IL1RAPL2: variants seen among roughly 807,000 people sequenced by gnomAD.
IL1RAPL2 encodes interleukin 1 receptor accessory protein like 2, also known as X-linked interleukin-1 receptor accessory protein-like 2.
IL1RAPL2 carries 3 observed loss-of-function variants against 44.1 expected under a neutral mutation model. That is an observed-to-expected ratio of 0.07 (90% CI 0.03 to 0.18). The LOEUF (loss-of-function observed/expected upper bound fraction) is 0.18, where lower values mean the gene tolerates loss of function less well. Among genes scored for constraint, IL1RAPL2 ranks in the 10% least tolerant of loss-of-function variants. IL1RAPL2 has a pLI of 1.00. For synonymous variants in IL1RAPL2, 181 were observed against 178.8 expected, an observed-to-expected ratio of 1.01 and a Z score of -0.10; for missense variants, 391 against 496.4, an observed-to-expected ratio of 0.79 and a Z score of 2.02.
chrX:104,656,540 CT>C (rs1271737418), intron 1 of IL1RAPL2, among the ~76,000 whole-genome samples: 1 of 111,749 alleles, frequency 8.9e-6, no homozygotes, highest in African/African-American at 3.2e-5. Flanking sequence ...GTCTGAGAGA[CT>C]TTTTGTTGTG....
intron 2 of IL1RAPL2, among the ~76,000 whole-genome samples, chrX:104,956,643 A>AAAAAC (rs755637471): frequency 6.3e-5 from 7 of 111,092 alleles, no homozygotes; most frequent in East Asian, 5.7e-4. Flanking sequence ...TCTCGAAAAG[A>AAAAAC]AAAACAAAAC....
chrX:104,904,699 T>C (rs1272332424), intron 2 of IL1RAPL2, among the ~76,000 whole-genome samples: 2 of 110,146 alleles, frequency 1.8e-5, no homozygotes, highest in African/African-American at 6.6e-5. Flanking sequence ...ATCCAGTCTA[T>C]CATTGTTGGA....
At chrX:105,678,079 G>A (rs745362937) in intron 6 of IL1RAPL2, among the ~76,000 whole-genome samples, 6 of 111,735 alleles carry the variant, frequency 5.4e-5, no homozygotes, top group Non-Finnish European at 7.5e-5. Flanking sequence ...ACCAAGAGAT[G>A]TTGACAAATG....
chrX:105,582,078 G>T (rs1031569495), intron 6 of IL1RAPL2, among the ~76,000 whole-genome samples: 1 of 110,556 alleles, frequency 9.0e-6, no homozygotes, highest in Non-Finnish European at 1.9e-5. Flanking sequence ...CAAATTTTAC[G>T]CCAGCTTCTT....
chrX:104,893,476 T>C (rs1328277471), intron 2 of IL1RAPL2, among the ~76,000 whole-genome samples: 2 of 111,802 alleles, frequency 1.8e-5, no homozygotes, highest in Non-Finnish European at 3.8e-5. Flanking sequence ...TGCTCCTGTA[T>C]TAGGTGCATA....
chrX:105,364,178 A>G (rs868848955), intron 5 of IL1RAPL2, among the ~76,000 whole-genome samples: 4 of 111,630 alleles, frequency 3.6e-5, no homozygotes, highest in Middle Eastern at 9.2e-3. Flanking sequence ...TGAAGAGACT[A>G]TTCTTCCCCG....
chrX:105,170,600 C>T (rs978118383), intron 2 of IL1RAPL2, among the ~76,000 whole-genome samples: 2 of 111,589 alleles, frequency 1.8e-5, no homozygotes, highest in Non-Finnish European at 3.8e-5. Flanking sequence ...AACTGAAGCA[C>T]AGAAATGTTA....
chrX:105,687,835 C>T (rs1182564740), intron 6 of IL1RAPL2, among the ~76,000 whole-genome samples: 2 of 111,621 alleles, frequency 1.8e-5, no homozygotes, highest in African/African-American at 6.5e-5. Context: ...TAAAAACTGG[C>T]AAACCGAATC....
chrX:105,666,326 C>T lies in IL1RAPL2; in HGVS notation c.773-51041C>T, dbSNP rs210559. Among the ~76,000 whole-genome samples, 326 of 110,404 alleles carry T rather than the reference C, an allele frequency of 3.0e-3. 1 individual carries two copies. Among genetic ancestry groups the T allele is most frequent in the African/African-American group, 0.01 (306 of 30,309 alleles). ...CAGGGGGGTCACTGCCTTCTGGTCCCGTGGTGCCAACAATGCACTGAATAT... is the reference window on the plus strand; with the variant it reads ...CAGGGGGGTCACTGCCTTCTGGTCCTGTGGTGCCAACAATGCACTGAATAT... On this transcript the variant is annotated intron_variant, in intron 6 of 10. Transcript: ENST00000372582.
At chrX:105,010,698 T>C (rs1288137593) in intron 2 of IL1RAPL2, among the ~76,000 whole-genome samples, 1 of 111,222 alleles carries the variant, frequency 9.0e-6, no homozygotes, top group Non-Finnish European at 1.9e-5. Flanking sequence ...CTGCTTGGTA[T>C]TTGCTGCACG....
intron 2 of IL1RAPL2, among the ~76,000 whole-genome samples, chrX:104,831,238 G>A (rs1030566385): frequency 1.8e-5 from 2 of 111,338 alleles, no homozygotes; most frequent in Non-Finnish European, 3.8e-5. Context: ...TTCTGCAAGA[G>A]TATTTCTTCA....
chrX:105,664,967 A>G (rs2037747753), intron 6 of IL1RAPL2, among the ~76,000 whole-genome samples: 1 of 112,250 alleles, frequency 8.9e-6, no homozygotes, highest in Non-Finnish European at 1.9e-5. Flanking sequence ...GATGAACAAG[A>G]TTTCTCTTTC....
In IL1RAPL2 at chrX:105,432,008, G is replaced by A. The variant is rs960906488; in HGVS notation, c.698-52305G>A. ...CATGTTCTGGCCAAAATTGTGACCAGGTTTATCAACTATTGACAAGCTTAG... is the reference window on the plus strand; with the variant it reads ...CATGTTCTGGCCAAAATTGTGACCAAGTTTATCAACTATTGACAAGCTTAG... On this transcript the variant is annotated intron_variant, in intron 5 of 10. Transcript: ENST00000372582. Among the ~76,000 whole-genome samples, 4 of 109,960 alleles carry A rather than the reference G, an allele frequency of 3.6e-5. No individual in the cohort carries two copies. The Admixed American group carries it at 3.9e-4, about 11-fold the overall frequency.
At chrX:105,297,012 TATAATGTAAA>T (rs1475153933) in intron 5 of IL1RAPL2, among the ~76,000 whole-genome samples, 2 of 111,930 alleles carry the variant, frequency 1.8e-5, no homozygotes, top group Non-Finnish European at 3.8e-5. Context: ...AAATGTAATA[TATAATGTAAA>T]ATAGTGGTAA....
chrX:105,219,456 C>T, intron 3 of IL1RAPL2: 1 of 1,210,258 alleles, frequency 8.3e-7, no homozygotes, highest in Non-Finnish European at 1.1e-6. Flanking sequence ...CAAGGAGCTG[C>T]AGGAGGATTC....
chrX:104,999,532 C>A (rs1044106003), intron 2 of IL1RAPL2, among the ~76,000 whole-genome samples: 1 of 111,589 alleles, frequency 9.0e-6, no homozygotes, highest in Non-Finnish European at 1.9e-5. Flanking sequence ...GAAGGAGGAA[C>A]TAAAAGAAGC....
intron 6 of IL1RAPL2, among the ~76,000 whole-genome samples, chrX:105,518,408 G>A (rs1187538967): frequency 9.0e-6 from 1 of 110,947 alleles, no homozygotes; most frequent in East Asian, 2.8e-4. Flanking sequence ...AAATGAGAAG[G>A]CATTCAATCA....
intron 2 of IL1RAPL2, among the ~76,000 whole-genome samples, chrX:104,679,419 C>T (rs141546858): frequency 8.9e-6 from 1 of 111,992 alleles, no homozygotes; most frequent in Non-Finnish European, 1.9e-5. Flanking sequence ...AAGGTATGAA[C>T]ACTGACCACA....
chrX:105,720,270 T>C (rs113470077), intron 7 of IL1RAPL2, among the ~76,000 whole-genome samples: 4,967 of 95,580 alleles, frequency 0.052, 293 homozygotes, highest in African/African-American at 0.18. Flanking sequence ...TAAGGGCGGA[T>C]TGATATATGT....
Sources: allele counts gnomAD v4.1 joint callset (sites outside exome capture counted in the v4.1 genomes callset), GRCh38; gene constraint gnomAD v4.1.1; transcripts MANE v1.5; gene names NCBI Gene and HGNC (gene_info 2026-07-23, HGNC 2026-07-21).